Variants in USH2A observed in about 807,000 individuals in gnomAD.
USH2A encodes Usher syndrome 2A (autosomal recessive, mild).
In USH2A, 443 loss-of-function variants were observed where a neutral mutation model predicts 538.9. That is an observed-to-expected ratio of 0.82 (90% confidence interval 0.76 to 0.89). The LOEUF (loss-of-function observed/expected upper bound fraction) is 0.89, where lower values mean the gene tolerates loss of function less well. USH2A is among the 40% of genes least tolerant of loss of function. The pLI is 0.00. For synonymous variants in USH2A, 2,413 were observed against 2,273.5 expected (o/e 1.06, Z -1.75); for missense variants, 6,633 against 6,324.8 (o/e 1.05, Z -1.65).
At position 216,325,727 on chromosome 1, in the gene USH2A, A is replaced by G. The variant is rs41277226; in HGVS notation, c.849-128T>C. On this transcript the variant is annotated intron_variant, in intron 5 of 71. Transcript: ENST00000307340. Reference sequence around the variant, plus strand: ...GTATCCATTTAGTTTTAATAATTTGATGCATGAAACATAAAATAAAACTTA... The same window carrying G: ...GTATCCATTTAGTTTTAATAATTTGGTGCATGAAACATAAAATAAAACTTA... 8.8e-3 allele frequency: 7,885 copies of G among 891,880 alleles called. 49 individuals are homozygous for G. The highest frequency in any genetic ancestry group is 0.012 in the Non-Finnish European group (7,185 of 610,870). 55.2% of individuals were successfully genotyped at this position (891,880 alleles called of 1,614,324 possible).
At chr1:216,339,126 C>T (rs1571717434) in intron 4 of USH2A, among the ~76,000 whole-genome samples, 1 of 151,366 alleles carries the variant, frequency 6.6e-6, no homozygotes, top group Non-Finnish European at 1.5e-5. Context: ...CACATGGAAA[C>T]AAATACATAA....
At chr1:216,070,953 A>T (rs1178273153) in intron 29 of USH2A, among the ~76,000 whole-genome samples, 1 of 152,158 alleles carries the variant, frequency 6.6e-6, no homozygotes, top group East Asian at 1.9e-4. Context: ...ATATCACAAA[A>T]TGAGGAAGTT....
intron 21 of USH2A, among the ~76,000 whole-genome samples, chr1:216,161,493 G>A (rs2034058615): frequency 6.6e-6 from 1 of 151,930 alleles, no homozygotes; most frequent in South Asian, 2.1e-4. Context: ...CATCATTTGT[G>A]ACAAAATAAT....
At chr1:216,358,780 G>A (rs757561415) in intron 4 of USH2A, among the ~76,000 whole-genome samples, 5 of 152,028 alleles carry the variant, frequency 3.3e-5, no homozygotes, top group South Asian at 2.1e-4. Context: ...GAAATAAACC[G>A]GTTTCCTGTT....
intron 21 of USH2A, among the ~76,000 whole-genome samples, chr1:216,142,749 G>A (rs1309206797): frequency 3.3e-5 from 5 of 152,212 alleles, no homozygotes; most frequent in East Asian, 1.9e-4. Flanking sequence ...CATTCAGATT[G>A]AATTTGTTTT....
At chr1:216,397,577 G>A (rs2039232401) in intron 3 of USH2A, among the ~76,000 whole-genome samples, 1 of 152,190 alleles carries the variant, frequency 6.6e-6, no homozygotes. Context: ...CTTGCTTTGT[G>A]AGCTGCCTCT....
At chr1:215,889,189 A>G in intron 40 of USH2A, 135 bp from the exon 41 acceptor site, 1 of 1,021,634 alleles carries the variant, frequency 9.8e-7, no homozygotes, top group Non-Finnish European at 1.4e-6. Context: ...GTAAATAAAT[A>G]AGTGCCATAA....
At chr1:216,241,581 C>G (rs911835925) in intron 13 of USH2A, among the ~76,000 whole-genome samples, 1 of 151,138 alleles carries the variant, frequency 6.6e-6, no homozygotes, top group Non-Finnish European at 1.5e-5. Context: ...GTTGCCCAGG[C>G]AGGAGTGCAA....
At position 215,821,524 on chromosome 1, in the gene USH2A, T is replaced by C. The variant is rs1663014074; in HGVS notation, c.9372-4329A>G. Among the ~76,000 whole-genome samples, 3 of 152,034 alleles carry C rather than the reference T, an allele frequency of 2.0e-5. No homozygotes were observed. In the East Asian group the frequency reaches 5.8e-4, roughly 29 times the overall value. ...TCCCAGTTATTAATTCATTGTCAGATAGACAGTTTGCAAGTATTTTCTCCC... is the reference window on the plus strand; with the variant it reads ...TCCCAGTTATTAATTCATTGTCAGACAGACAGTTTGCAAGTATTTTCTCCC... On this transcript the variant is annotated intron_variant, in intron 47 of 71. Coordinates refer to ENST00000307340, the MANE Select transcript of USH2A (RefSeq NM_206933.4).
chr1:215,989,643 G>A (rs1012857340), intron 35 of USH2A, among the ~76,000 whole-genome samples: 6 of 152,056 alleles, frequency 3.9e-5, no homozygotes, highest in Non-Finnish European at 8.8e-5. Flanking sequence ...AAGTGCAGTC[G>A]AGGGGTTGTG....
At chr1:216,205,860 G>A (rs1275898518) in intron 16 of USH2A, among the ~76,000 whole-genome samples, 2 of 152,062 alleles carry the variant, frequency 1.3e-5, no homozygotes, top group Non-Finnish European at 2.9e-5. Context: ...TTTTCATTCT[G>A]TCTTTAGGGA....
At chr1:216,000,648 G>T in intron 32 of USH2A, 86 bp from the exon 33 acceptor site, 1 of 1,525,840 alleles carries the variant, frequency 6.6e-7, no homozygotes, top group Non-Finnish European at 9.1e-7. Context: ...TCCTATCTCA[G>T]AGAATTGTTA....
chr1:215,793,685 T>A lies in USH2A; in HGVS notation c.9959-3403A>T, dbSNP rs1031657679. The stretch of plus-strand genomic sequence containing the variant: ...CCTCTGCAAAATTCCCAAATTCCCA[T>A]CTTATGAAACAAACAGCGATAGTCA... On this transcript the variant is annotated intron_variant, in intron 50 of 71. Transcript: ENST00000307340. 6.6e-5 allele frequency among the ~76,000 whole-genome samples: 10 copies of A among 152,288 alleles called. No individual in the cohort carries two copies. The South Asian group carries it at 2.1e-3, about 32-fold the overall frequency.
chr1:216,147,567 C>T (rs1190287171), intron 21 of USH2A, among the ~76,000 whole-genome samples: 1 of 151,952 alleles, frequency 6.6e-6, no homozygotes, highest in Non-Finnish European at 1.5e-5. Context: ...GTCTTATTCT[C>T]AAAATACATT....
At chr1:215,944,412 A>G (rs2102434810) in intron 37 of USH2A, among the ~76,000 whole-genome samples, 1 of 152,306 alleles carries the variant, frequency 6.6e-6, no homozygotes, top group Admixed American at 6.5e-5. Context: ...CAGTTTCTAG[A>G]ATGATTCTCT....
In USH2A at chr1:216,072,916, A is replaced by G. The variant is rs775723723; in HGVS notation, c.5830T>C (p.Trp1944Arg). 6 of 1,613,952 alleles carry G rather than the reference A, an allele frequency of 3.7e-6. No homozygotes were observed. The South Asian group carries it at 6.6e-5, about 18-fold the overall frequency. ...GCTCCTGTTGTACGTCCTCGACTCC[A>G]ATCACTATATACTGAACCTCCTTCA... ...SHEGGSVYSD[W>R]SRGRTTGAAP... Residue 1944 changes from tryptophan to arginine, a missense_variant, in exon 29 of 72, where the codon TGG becomes CGG. Physicochemically the swap from Trp to Arg is moderately radical, Grantham distance 101 (BLOSUM62 -3). Coordinates refer to ENST00000307340, the MANE Select transcript of USH2A (RefSeq NM_206933.4).
At chr1:216,156,295 C>CTTTTTTT (rs35698520) in intron 21 of USH2A, among the ~76,000 whole-genome samples, 3,505 of 105,136 alleles carry the variant, frequency 0.033, 132 homozygotes, top group Middle Eastern at 0.06. Flanking sequence ...TTTTTTTTTT[C>CTTTTTTT]TTTTTTTTTT....
intron 62 of USH2A, among the ~76,000 whole-genome samples, chr1:215,676,156 T>C (rs1206381101): frequency 6.6e-6 from 1 of 152,058 alleles, no homozygotes; most frequent in African/African-American, 2.4e-5. Context: ...TATACATAAG[T>C]ACAAATATCC....
chr1:216,351,463 G>T (rs929447545), intron 4 of USH2A, among the ~76,000 whole-genome samples: 3 of 152,134 alleles, frequency 2.0e-5, no homozygotes, highest in Non-Finnish European at 4.4e-5. Flanking sequence ...GTCAAAAATC[G>T]GCAAAGAGGC....
Sources: gnomAD v4.1 joint callset for allele counts (sites outside exome capture counted in the v4.1 genomes callset) on GRCh38, gnomAD v4.1.1 for gene constraint, MANE v1.5 for transcripts, NCBI Gene and HGNC (gene_info 2026-07-23, HGNC 2026-07-21) for gene names.